TSPAN5: variants seen among roughly 807,000 people sequenced by gnomAD.
TSPAN5 encodes tetraspanin-5.
Under a neutral mutation model 37.1 loss-of-function variants are expected in TSPAN5, and 10 were observed. The ratio of observed to expected loss-of-function variants is 0.27; its 90% confidence interval spans 0.17 to 0.46. The LOEUF is 0.46. Among genes scored for constraint, TSPAN5 ranks in the 20% least tolerant of loss-of-function variants. TSPAN5 has a pLI of 1.00. For synonymous variants in TSPAN5, 110 were observed against 118.9 expected (o/e 0.93, Z 0.48); for missense variants, 195 against 326.6 (o/e 0.60, Z 3.11).
At chr4:98,566,966 G>C (rs1234157696) in intron 1 of TSPAN5, among the ~76,000 whole-genome samples, 5 of 152,256 alleles carry the variant, frequency 3.3e-5, no homozygotes, top group African/African-American at 1.2e-4. Context: ...AGCCTACACG[G>C]CCAAGTGCAG....
intron 1 of TSPAN5, among the ~76,000 whole-genome samples, chr4:98,608,906 G>A (rs999617838): frequency 1.2e-4 from 18 of 152,016 alleles, no homozygotes; most frequent in African/African-American, 3.4e-4. Context: ...CTTTTCTGTC[G>A]CTCCCACAGG....
At chr4:98,492,357 A>G (rs1430928645) in intron 2 of TSPAN5, among the ~76,000 whole-genome samples, 1 of 152,152 alleles carries the variant, frequency 6.6e-6, no homozygotes, top group Non-Finnish European at 1.5e-5. Context: ...AGGGAGGGAA[A>G]ATCCAGACAG....
chr4:98,526,173 A>G (rs929104243), intron 1 of TSPAN5, among the ~76,000 whole-genome samples: 2 of 152,230 alleles, frequency 1.3e-5, no homozygotes, highest in African/African-American at 4.8e-5. Context: ...TTGCTCAAAC[A>G]CCGTTAGAAC....
At chr4:98,634,701 G>T in intron 1 of TSPAN5, among the ~76,000 whole-genome samples, 1 of 152,190 alleles carries the variant, frequency 6.6e-6, no homozygotes, top group East Asian at 1.9e-4. Context: ...AGGTATCCAT[G>T]AAACACGAAG....
intron 2 of TSPAN5, among the ~76,000 whole-genome samples, chr4:98,497,151 C>T (rs1753229831): frequency 6.6e-6 from 1 of 151,940 alleles, no homozygotes; most frequent in East Asian, 1.9e-4. Context: ...ACAGTGAAAC[C>T]CCGTCTCTAC....
chr4:98,574,127 G>A (rs1473231102), intron 1 of TSPAN5, among the ~76,000 whole-genome samples: 2 of 152,140 alleles, frequency 1.3e-5, no homozygotes, highest in African/African-American at 4.8e-5. Context: ...TGCAGAGAAG[G>A]GAATTTTAAC....
At chr4:98,523,598 C>A (rs894876728) in intron 1 of TSPAN5, among the ~76,000 whole-genome samples, 2 of 152,094 alleles carry the variant, frequency 1.3e-5, no homozygotes, top group African/African-American at 4.8e-5. Flanking sequence ...CCACACCTGG[C>A]TAATTTTTGT....
At chr4:98,518,536 G>GT (rs1447313089) in intron 1 of TSPAN5, among the ~76,000 whole-genome samples, 2 of 152,206 alleles carry the variant, frequency 1.3e-5, no homozygotes, top group African/African-American at 4.8e-5. Context: ...TTCCTAGGAA[G>GT]TGACACTTGA....
At chr4:98,486,631 G>T in intron 3 of TSPAN5, 107 bp downstream of exon 3, 3 of 1,301,304 alleles carry the variant, frequency 2.3e-6, no homozygotes, top group Non-Finnish European at 3.3e-6. Context: ...CCCTACTTTG[G>T]CCAGTGCCTT....
chr4:98,617,502 CA>C (rs1756368436), intron 1 of TSPAN5, among the ~76,000 whole-genome samples: 1 of 152,154 alleles, frequency 6.6e-6, no homozygotes, highest in African/African-American at 2.4e-5. Flanking sequence ...AGCCCTCCCA[CA>C]AAGCACTGCT....
chr4:98,556,733 T>A (rs931366504), intron 1 of TSPAN5, among the ~76,000 whole-genome samples: 6 of 152,326 alleles, frequency 3.9e-5, no homozygotes, highest in African/African-American at 1.2e-4. Flanking sequence ...AAGTTTCTAT[T>A]AGCCCATTTT....
chr4:98,602,110 A>G (rs991195650), intron 1 of TSPAN5, among the ~76,000 whole-genome samples: 1 of 152,180 alleles, frequency 6.6e-6, no homozygotes. Context: ...TATAGTAACA[A>G]TGAAAAAGTA....
At chr4:98,588,880 G>A (rs1481013171) in intron 1 of TSPAN5, among the ~76,000 whole-genome samples, 1 of 152,080 alleles carries the variant, frequency 6.6e-6, no homozygotes, top group Non-Finnish European at 1.5e-5. Flanking sequence ...GTTTTTTAAG[G>A]TGTCTTCATT....
intron 1 of TSPAN5, among the ~76,000 whole-genome samples, chr4:98,633,992 T>C (rs1756801846): frequency 6.6e-6 from 1 of 151,502 alleles, no homozygotes; most frequent in Admixed American, 6.6e-5. Context: ...GGCAGGAGAA[T>C]CGCTTGAACC....
rs568788466 is a variant in TSPAN5 at position 98,546,697 on chromosome 4, G to C, written c.82-38969C>G. Among the ~76,000 whole-genome samples, 56 of 151,552 alleles carry C rather than the reference G, an allele frequency of 3.7e-4. 1 individual carries two copies. The South Asian group carries it at 0.011, about 31-fold the overall frequency. On this transcript the variant is annotated intron_variant, in intron 1 of 7. Coordinates refer to ENST00000305798, the MANE Select transcript of TSPAN5 (RefSeq NM_005723.4). ...TGGACTCACAGGGTTGAGGTGGGGA[G>C]AGAGAGAGAGAGAAGTGAAAACTAA...
intron 1 of TSPAN5, among the ~76,000 whole-genome samples, chr4:98,559,060 C>A (rs1754818658): frequency 6.6e-6 from 1 of 152,204 alleles, no homozygotes; most frequent in Non-Finnish European, 1.5e-5. Flanking sequence ...CCTGTACTGT[C>A]TCTGGCTTGC....
intron 1 of TSPAN5, among the ~76,000 whole-genome samples, chr4:98,526,718 G>A (rs1016850620): frequency 2.0e-5 from 3 of 151,936 alleles, no homozygotes. Context: ...GGGGGGTGGA[G>A]GATAGAATTC....
chr4:98,568,071 G>A (rs1050795109), intron 1 of TSPAN5, among the ~76,000 whole-genome samples: 2 of 152,074 alleles, frequency 1.3e-5, no homozygotes, highest in Non-Finnish European at 2.9e-5. Flanking sequence ...CATCACCTAC[G>A]CAGAATCTTG....
At chr4:98,611,458 AGAAG>A (rs1243193381) in intron 1 of TSPAN5, among the ~76,000 whole-genome samples, 1 of 152,238 alleles carries the variant, frequency 6.6e-6, no homozygotes, top group Non-Finnish European at 1.5e-5. Flanking sequence ...GTACTGCCCC[AGAAG>A]GAAATCTGCC....
Sources: gnomAD v4.1 joint callset for allele counts (sites outside exome capture counted in the v4.1 genomes callset) on GRCh38, gnomAD v4.1.1 for gene constraint, MANE v1.5 for transcripts, NCBI Gene and HGNC (gene_info 2026-07-23, HGNC 2026-07-21) for gene names.